Variants in KANSL1 observed in about 807,000 individuals in gnomAD.
The protein encoded by KANSL1 is MLL1/MLL complex subunit KANSL1.
KANSL1 carries 22 observed loss-of-function variants against 103.6 expected under a neutral mutation model. The ratio of observed to expected loss-of-function variants is 0.21; its 90% CI spans 0.15 to 0.30. The LOEUF is 0.30. Among genes scored for constraint, KANSL1 ranks in the 10% least tolerant of loss-of-function variants. The pLI, the probability that KANSL1 is intolerant of heterozygous loss-of-function variation, is 1.00. For missense variants in KANSL1, 1,337 were observed against 1,399.8 expected (o/e 0.96, Z 0.72); for synonymous variants, 600 against 527.6 (o/e 1.14, Z -1.88).
intron 1 of KANSL1, among the ~76,000 whole-genome samples, chr17:46,200,792 A>G (rs1345244404): frequency 1.3e-5 from 2 of 152,088 alleles, no homozygotes; most frequent in Non-Finnish European, 2.9e-5. Context: ...GCTGATTCTA[A>G]GTTATGATGC....
intron 2 of KANSL1, among the ~76,000 whole-genome samples, chr17:46,106,634 C>G (rs1403889937): frequency 6.6e-6 from 1 of 152,182 alleles, no homozygotes; most frequent in Non-Finnish European, 1.5e-5. Flanking sequence ...CTCAGGTGAT[C>G]TACCCACCTC....
chr17:46,108,989 C>T (rs1488840654), intron 2 of KANSL1, among the ~76,000 whole-genome samples: 16 of 152,206 alleles, frequency 1.1e-4, no homozygotes, highest in Admixed American at 7.9e-4. Context: ...TGCACTGTCA[C>T]CCGGGCTGAA....
intron 2 of KANSL1, among the ~76,000 whole-genome samples, chr17:46,162,292 G>C (rs1205412851): frequency 6.6e-6 from 1 of 152,212 alleles, no homozygotes; most frequent in Non-Finnish European, 1.5e-5. Flanking sequence ...TCCATGTTTA[G>C]GGAGGTGGGG....
At position 46,066,554 on chromosome 17, in the gene KANSL1, C is replaced by T. The variant is rs202150313; in HGVS notation, c.1831G>A (p.Val611Ile). 129 of 1,612,058 alleles carry T rather than the reference C, an allele frequency of 8.0e-5. No homozygotes were observed. The highest frequency in any genetic ancestry group is 1.0e-4 in the Non-Finnish European group (123 of 1,178,902). ...KRRLVRPNSIVPLSKKVHRNS... is the reference protein window; with the variant it reads ...KRRLVRPNSIIPLSKKVHRNS... Reference sequence around the variant, plus strand: ...GTACCGACCTTCTTGGAAAGAGGAACGATGCTGTTGGGTCGAACAAGCCTC... The same window carrying T: ...GTACCGACCTTCTTGGAAAGAGGAATGATGCTGTTGGGTCGAACAAGCCTC... Residue 611 changes from valine (V) to isoleucine (I), a missense_variant, in exon 6 of 15, where the codon GTT becomes ATT. Val to Ile is a conservative substitution (Grantham distance 29). Transcript: ENST00000432791.
At chr17:46,168,258 A>C (rs1229733735) in intron 2 of KANSL1, among the ~76,000 whole-genome samples, 1 of 152,282 alleles carries the variant, frequency 6.6e-6, no homozygotes, top group African/African-American at 2.4e-5. Context: ...CACTTGGCTA[A>C]ATAAATACCA....
chr17:46,131,809 C>T (rs2043876599), intron 2 of KANSL1, among the ~76,000 whole-genome samples: 1 of 152,206 alleles, frequency 6.6e-6, no homozygotes, highest in Non-Finnish European at 1.5e-5. Context: ...ACCACCACCA[C>T]CCTTGCCAAG....
intron 4 of KANSL1, among the ~76,000 whole-genome samples, chr17:46,080,977 A>G (rs2078969599): frequency 6.6e-6 from 1 of 152,222 alleles, no homozygotes; most frequent in Non-Finnish European, 1.5e-5. Flanking sequence ...ATACACACAC[A>G]GGAATCTTAC....
chr17:46,106,833 A>C (rs1432019640), intron 2 of KANSL1, among the ~76,000 whole-genome samples: 2 of 124,984 alleles, frequency 1.6e-5, no homozygotes, highest in African/African-American at 5.1e-5. Context: ...AAAAGGAACA[A>C]AACAAACAAA....
chr17:46,217,215 C>T (rs1251533817), intron 1 of KANSL1, among the ~76,000 whole-genome samples: 1 of 152,098 alleles, frequency 6.6e-6, no homozygotes, highest in East Asian at 1.9e-4. Context: ...GTGGCTCACG[C>T]CTGCAATCTC....
intron 2 of KANSL1, among the ~76,000 whole-genome samples, chr17:46,110,339 C>T (rs1376279349): frequency 6.6e-6 from 1 of 152,180 alleles, no homozygotes; most frequent in Non-Finnish European, 1.5e-5. Context: ...GAAGTGCTTA[C>T]TCCATGCAAA....
chr17:46,160,063 T>C lies in KANSL1; in HGVS notation c.1289+10792A>G, dbSNP rs187210394. Among the ~76,000 whole-genome samples, 394 of 152,310 alleles carry C rather than the reference T, an allele frequency of 2.6e-3. 3 individuals carry two copies. Among genetic ancestry groups the C allele is most frequent in the East Asian group, 7.5e-3 (39 of 5,176 alleles). The stretch of plus-strand genomic sequence containing the variant: ...CAGGAGTTATCTTCTATTCAGAAGA[T>C]AGAACATGTATGACCACAAGCAAAT... On this transcript the variant is annotated intron_variant, in intron 2 of 14. Coordinates refer to ENST00000432791, the MANE Select transcript of KANSL1 (RefSeq NM_015443.4).
chr17:46,174,039 T>C (rs2046405981), intron 1 of KANSL1, among the ~76,000 whole-genome samples: 1 of 152,258 alleles, frequency 6.6e-6, no homozygotes, highest in Non-Finnish European at 1.5e-5. Flanking sequence ...ATGAACAAAG[T>C]GAACCTGTCA....
intron 2 of KANSL1, among the ~76,000 whole-genome samples, chr17:46,127,828 T>C (rs1337386759): frequency 1.3e-5 from 2 of 152,278 alleles, no homozygotes; most frequent in Non-Finnish European, 1.5e-5. Flanking sequence ...CAATTCTCTG[T>C]AAATTCTTCA....
In KANSL1 at chr17:46,171,244, T is replaced by C. The variant is rs1257335790; in HGVS notation, c.900A>G (p.Arg300=). Reference sequence around the variant, plus strand: ...GCACAACCTGTAAGCGCTTTTGTAATCTGCGGGCACGGCTCTCAATGTCAG... The same window carrying C: ...GCACAACCTGTAAGCGCTTTTGTAACCTGCGGGCACGGCTCTCAATGTCAG... ...RQADIESRAR[R]LQKRLQVVQA... is the part of the protein sequence containing the mutation. Residue 300 remains arginine, a synonymous_variant, in exon 2 of 15, where the codon AGA becomes AGG. Coordinates refer to ENST00000432791, the MANE Select transcript of KANSL1 (RefSeq NM_015443.4). 22 of 1,614,006 alleles carry C rather than the reference T, an allele frequency of 1.4e-5. No individual in the cohort carries two copies. Among genetic ancestry groups the C allele is most frequent in the Non-Finnish European group, 1.9e-5 (22 of 1,180,050 alleles).
intron 2 of KANSL1, among the ~76,000 whole-genome samples, chr17:46,118,198 GTTTT>G (rs1179421423): frequency 6.6e-6 from 1 of 152,216 alleles, no homozygotes; most frequent in African/African-American, 2.4e-5. Flanking sequence ...CCCGACGTTA[GTTTT>G]ATTTGCTTGT....
At chr17:46,175,233 A>C (rs966069963) in intron 1 of KANSL1, among the ~76,000 whole-genome samples, 2 of 152,220 alleles carry the variant, frequency 1.3e-5, no homozygotes, top group Non-Finnish European at 2.9e-5. Context: ...ATTAACATAA[A>C]AATACTCAAA....
intron 2 of KANSL1, among the ~76,000 whole-genome samples, chr17:46,143,824 AAAAAG>A (rs2044554947): frequency 1.3e-5 from 2 of 150,538 alleles, no homozygotes; most frequent in South Asian, 4.1e-4. Flanking sequence ...AAAAAAAAAA[AAAAAG>A]AAGTTGTTAT....
chr17:46,049,240 C>CTTTTTTTTT (rs34418861), intron 7 of KANSL1, among the ~76,000 whole-genome samples: 3 of 75,766 alleles, frequency 4.0e-5, no homozygotes, highest in African/African-American at 5.5e-5. Flanking sequence ...CATCCAAGAC[C>CTTTTTTTTT]TTTTTTTTTT....
chr17:46,201,644 G>T (rs1458127102), intron 1 of KANSL1, among the ~76,000 whole-genome samples: 1 of 151,942 alleles, frequency 6.6e-6, no homozygotes, highest in Non-Finnish European at 1.5e-5. Context: ...GACCAAGATG[G>T]GAGGATCATT....
Sources: allele counts gnomAD v4.1 joint callset (sites outside exome capture counted in the v4.1 genomes callset), GRCh38; gene constraint gnomAD v4.1.1; transcripts MANE v1.5; gene names NCBI Gene and HGNC (gene_info 2026-07-23, HGNC 2026-07-21).